Variants in FRMD3 observed in about 807,000 individuals in gnomAD.
FRMD3 encodes the protein FERM domain containing 3, also known as FERM domain-containing protein 3.
FRMD3 carries 33 observed loss-of-function variants against 70.2 expected under a neutral mutation model. The observed-to-expected ratio is 0.47, with a 90% CI of 0.36 to 0.63. The LOEUF (loss-of-function observed/expected upper bound fraction) is 0.63, where lower values mean the gene tolerates loss of function less well. Among genes scored for constraint, FRMD3 ranks in the 20% least tolerant of loss-of-function variants. The probability of loss-of-function intolerance (pLI) is 0.00; values close to 1 mark genes in which losing one functional copy is unlikely to be tolerated. For synonymous variants in FRMD3, 279 were observed against 255.9 expected, an observed-to-expected ratio of 1.09 and a Z score of -0.86; for missense variants, 632 against 711.4, an observed-to-expected ratio of 0.89 and a Z score of 1.27.
the FRMD3 span, among the ~76,000 whole-genome samples, chr9:83,557,090 T>C: frequency 6.6e-6 from 1 of 152,194 alleles, no homozygotes; most frequent in South Asian, 2.1e-4. Context: ...TGTTAAGAGC[T>C]ATCAGATTCA....
At chr9:83,417,615 G>T (rs895686188) in intron 1 of FRMD3, among the ~76,000 whole-genome samples, 3 of 152,228 alleles carry the variant, frequency 2.0e-5, no homozygotes, top group African/African-American at 7.2e-5. Flanking sequence ...GTGTCTAGCA[G>T]ACATTTACAT....
chr9:83,423,667 G>A (rs529991938), intron 1 of FRMD3, among the ~76,000 whole-genome samples: 89 of 125,558 alleles, frequency 7.1e-4, no homozygotes, highest in African/African-American at 2.7e-3. Flanking sequence ...CGTGATCTCA[G>A]CTCACTGCAA....
Position 83,317,388 on chromosome 9 carries a change from C to T in FRMD3, c.597-3641G>A, listed in dbSNP as rs1029568476. Among the ~76,000 whole-genome samples, 7 of 152,220 alleles carry T rather than the reference C, an allele frequency of 4.6e-5. No homozygotes were observed. In the South Asian group the frequency reaches 1.5e-3, roughly 32 times the overall value. On this transcript the variant is annotated intron_variant, in intron 6 of 13. Transcript: ENST00000304195. Reference sequence around the variant, plus strand: ...GAACCAGGACCAGAGCCAAAGCAGCCCTGTGCCTCCCATAGCCTTGGGCAA... The same window carrying T: ...GAACCAGGACCAGAGCCAAAGCAGCTCTGTGCCTCCCATAGCCTTGGGCAA...
At chr9:83,439,615 A>G (rs1202118676) in intron 1 of FRMD3, among the ~76,000 whole-genome samples, 1 of 152,204 alleles carries the variant, frequency 6.6e-6, no homozygotes, top group Non-Finnish European at 1.5e-5. Flanking sequence ...TTTAGCAGAA[A>G]TTCTCACTTT....
intron 1 of FRMD3, among the ~76,000 whole-genome samples, chr9:83,446,176 A>G (rs554669670): frequency 8.4e-6 from 1 of 119,580 alleles, no homozygotes; most frequent in South Asian, 3.3e-4. Context: ...ATGCAGCACA[A>G]CAGCAAGAAA....
intron 6 of FRMD3, among the ~76,000 whole-genome samples, chr9:83,334,624 A>AT (rs5898824): frequency 5.9e-4 from 89 of 151,572 alleles, no homozygotes; most frequent in African/African-American, 1.9e-3. Context: ...TACCAAAATG[A>AT]TTTTTTTTTC....
the FRMD3 span, among the ~76,000 whole-genome samples, chr9:83,570,629 G>A: frequency 6.6e-6 from 1 of 152,172 alleles, no homozygotes; most frequent in Non-Finnish European, 1.5e-5. Flanking sequence ...AAAGTGAATA[G>A]ATCACACAGG....
intron 1 of FRMD3, among the ~76,000 whole-genome samples, chr9:83,423,733 A>C (rs560675946): frequency 6.6e-6 from 1 of 151,758 alleles, no homozygotes; most frequent in Admixed American, 6.6e-5. Flanking sequence ...CGTAGCTGGA[A>C]TTACAGGCTT....
chr9:83,494,318 A>G (rs1460839854), intron 1 of FRMD3, among the ~76,000 whole-genome samples: 1 of 152,260 alleles, frequency 6.6e-6, no homozygotes, highest in African/African-American at 2.4e-5. Flanking sequence ...ATTCTAAGAT[A>G]GTGAATACTC....
chr9:83,571,235 A>G, the FRMD3 span, among the ~76,000 whole-genome samples: 1 of 151,848 alleles, frequency 6.6e-6, no homozygotes, highest in African/African-American at 2.4e-5. Flanking sequence ...TGCAAACTTC[A>G]CTCCTCTTCA....
intron 1 of FRMD3, among the ~76,000 whole-genome samples, chr9:83,510,721 G>T (rs982840929): frequency 2.0e-5 from 3 of 152,218 alleles, no homozygotes; most frequent in South Asian, 4.1e-4. Context: ...CTAAACATGA[G>T]TGAACCTTGA....
intron 1 of FRMD3, among the ~76,000 whole-genome samples, chr9:83,499,005 T>C (rs1240651257): frequency 6.6e-6 from 1 of 152,132 alleles, no homozygotes; most frequent in Non-Finnish European, 1.5e-5. Flanking sequence ...AACGTGGCAA[T>C]ATCCTTGTAT....
chr9:83,286,958 A>C (rs1381752408), intron 13 of FRMD3, among the ~76,000 whole-genome samples: 2 of 152,126 alleles, frequency 1.3e-5, no homozygotes, highest in Non-Finnish European at 2.9e-5. Context: ...AAGAGGTTGA[A>C]GTGTTTTCAA....
At chr9:83,367,337 A>T (rs1267507130) in intron 3 of FRMD3, among the ~76,000 whole-genome samples, 1 of 152,186 alleles carries the variant, frequency 6.6e-6, no homozygotes, top group Admixed American at 6.5e-5. Flanking sequence ...AATAATTAAA[A>T]GTTTGATTTT....
At chr9:83,554,540 G>T in the FRMD3 span, among the ~76,000 whole-genome samples, 2 of 152,238 alleles carry the variant, frequency 1.3e-5, no homozygotes, top group Non-Finnish European at 2.9e-5. Context: ...ATGTTTCCTT[G>T]TCTGGTGACA....
intron 1 of FRMD3, among the ~76,000 whole-genome samples, chr9:83,516,353 C>T (rs1829455370): frequency 1.3e-5 from 2 of 150,334 alleles, no homozygotes; most frequent in South Asian, 4.2e-4. Flanking sequence ...TTTAAACCAA[C>T]AAAGATCAAA....
chr9:83,308,251 G>A (rs947265774), intron 10 of FRMD3, among the ~76,000 whole-genome samples: 2 of 152,142 alleles, frequency 1.3e-5, no homozygotes, highest in African/African-American at 4.8e-5. Flanking sequence ...AATGGGCAAA[G>A]ACCCTTCAAT....
At chr9:83,372,688 G>C (rs35283265) in intron 3 of FRMD3, among the ~76,000 whole-genome samples, 1,908 of 150,664 alleles carry the variant, frequency 0.013, 21 homozygotes, top group Non-Finnish European at 0.02. Flanking sequence ...AGGGCAAGAT[G>C]GGGGGGAGGG....
intron 1 of FRMD3, among the ~76,000 whole-genome samples, chr9:83,523,097 C>T (rs1829612562): frequency 6.6e-6 from 1 of 152,074 alleles, no homozygotes; most frequent in Non-Finnish European, 1.5e-5. Flanking sequence ...ATCTCTGCTA[C>T]TCACAGCAGT....
Sources: gnomAD v4.1 joint callset for allele counts (sites outside exome capture counted in the v4.1 genomes callset) on GRCh38, gnomAD v4.1.1 for gene constraint, MANE v1.5 for transcripts, NCBI Gene and HGNC (gene_info 2026-07-23, HGNC 2026-07-21) for gene names.